STXBP3: variants seen among roughly 807,000 people sequenced by gnomAD.
The protein encoded by STXBP3 is syntaxin-binding protein 3.
A neutral mutation model predicts 85.7 loss-of-function variants in STXBP3; 41 were observed. That is an observed-to-expected ratio of 0.48 (90% CI 0.37 to 0.62). STXBP3 has a LOEUF of 0.62. STXBP3 is among the 20% of genes least tolerant of loss of function. The pLI is 0.00. For missense variants in STXBP3, 563 were observed against 703.1 expected (o/e 0.80, Z 2.25); for synonymous variants, 229 against 231.7 (o/e 0.99, Z 0.10).
chr1:108,772,857 T>G, intron 7 of STXBP3, 38 bp downstream of exon 7: 2 of 1,472,784 alleles, frequency 1.4e-6, no homozygotes, highest in Non-Finnish European at 1.8e-6. Context: ...ATGCTTCCTA[T>G]TTACCATTCA....
At chr1:108,766,414 C>CT (rs1242474466) in intron 6 of STXBP3, among the ~76,000 whole-genome samples, 1 of 152,110 alleles carries the variant, frequency 6.6e-6, no homozygotes, top group Non-Finnish European at 1.5e-5. Context: ...TGATAAGTCT[C>CT]TATGTTTTAG....
intron 6 of STXBP3, among the ~76,000 whole-genome samples, chr1:108,769,599 G>A (rs958329671): frequency 1.3e-5 from 2 of 152,106 alleles, no homozygotes; most frequent in African/African-American, 4.8e-5. Flanking sequence ...CTGATTATAG[G>A]TTTATAAAGA....
intron 11 of STXBP3, among the ~76,000 whole-genome samples, chr1:108,786,315 C>T (rs1225311290): frequency 6.6e-6 from 1 of 152,140 alleles, no homozygotes; most frequent in African/African-American, 2.4e-5. Context: ...CACTCACTAT[C>T]ACAAGAACAG....
At chr1:108,804,269 G>A (rs1279860702) in intron 17 of STXBP3, among the ~76,000 whole-genome samples, 1 of 151,636 alleles carries the variant, frequency 6.6e-6, no homozygotes, top group Non-Finnish European at 1.5e-5. Context: ...AGTTCTTTAG[G>A]TCTCTCTTAC....
intron 1 of STXBP3, among the ~76,000 whole-genome samples, chr1:108,748,350 ATC>A (rs1182763434): frequency 6.6e-6 from 1 of 152,138 alleles, no homozygotes; most frequent in Non-Finnish European, 1.5e-5. Flanking sequence ...GTGAGACCCC[ATC>A]TCTACAAAAA....
At chr1:108,776,568 T>G in intron 8 of STXBP3, 145 bp downstream of exon 8, 1 of 532,962 alleles carries the variant, frequency 1.9e-6, no homozygotes, top group Non-Finnish European at 3.2e-6. Context: ...ATCATTAACA[T>G]ACACAATCGT....
intron 2 of STXBP3, 106 bp downstream of exon 2, chr1:108,752,412 G>C (rs886322536): frequency 2.0e-6 from 2 of 1,010,976 alleles, no homozygotes; most frequent in Non-Finnish European, 2.9e-6. Context: ...TCTAGTATAA[G>C]TAATCTAAAG....
chr1:108,781,695 A>G (rs934882472), intron 9 of STXBP3, among the ~76,000 whole-genome samples: 1 of 152,118 alleles, frequency 6.6e-6, no homozygotes, highest in African/African-American at 2.4e-5. Flanking sequence ...AATAGGTTAT[A>G]TTGGGGAGGA....
rs149630615 is a variant in STXBP3, at chr1:108,769,715, G to C, written c.439-2950G>C. 4.2e-3 allele frequency among the ~76,000 whole-genome samples: 644 copies of C among 152,296 alleles called. 1 individual carries two copies. Among genetic ancestry groups the C allele is most frequent in the Admixed American group, 8.5e-3 (130 of 15,292 alleles). ...AATGGAGGAAATGTGAGTATAGAAT[G>C]AGAACCAGCACCCAGATTATCTTTG... On this transcript the variant is annotated intron_variant, in intron 6 of 18. Coordinates refer to ENST00000370008, the MANE Select transcript of STXBP3 (RefSeq NM_007269.4).
intron 15 of STXBP3, 53 bp downstream of exon 15, chr1:108,796,779 G>T: frequency 7.3e-7 from 1 of 1,365,854 alleles, no homozygotes; most frequent in Non-Finnish European, 9.9e-7. Flanking sequence ...ATGTATGGTT[G>T]TATGTATTAA....
At chr1:108,805,714 C>T (rs918416908) in intron 17 of STXBP3, among the ~76,000 whole-genome samples, 1 of 152,176 alleles carries the variant, frequency 6.6e-6, no homozygotes, top group Admixed American at 6.5e-5. Context: ...TGAGCCACCA[C>T]GCCCAGCCAA....
At chr1:108,773,672 A>G (rs1393707014) in intron 7 of STXBP3, among the ~76,000 whole-genome samples, 2 of 152,016 alleles carry the variant, frequency 1.3e-5, no homozygotes, top group African/African-American at 2.4e-5. Flanking sequence ...CACACTACAC[A>G]CACATCCACA....
At chr1:108,767,401 GA>G in intron 6 of STXBP3, 1 of 213,352 alleles carries the variant, frequency 4.7e-6, no homozygotes, top group Non-Finnish European at 9.5e-6. Flanking sequence ...TTGTAATGGT[GA>G]AAACATTCCT....
At position 108,756,757 on chromosome 1, in the gene STXBP3, G is replaced by C; in HGVS notation, c.249G>C (p.Pro83=). Reference sequence around the variant, plus strand: ...TGAAAGCTCTTTATTTCATCACTCCGACATCAAAGGTGAGTATTTTGAGAC... The same window carrying C: ...TGAAAGCTCTTTATTTCATCACTCCCACATCAAAGGTGAGTATTTTGAGAC... ...RQMKALYFIT[P]TSKSVDCFLH... Residue 83 remains proline, a synonymous_variant, in exon 4 of 19, where the codon CCG becomes CCC. Coordinates refer to ENST00000370008, the MANE Select transcript of STXBP3 (RefSeq NM_007269.4). 1 of 1,587,232 alleles carries C rather than the reference G, an allele frequency of 6.3e-7. No individual in the cohort carries two copies. Among genetic ancestry groups the C allele is most frequent in the Non-Finnish European group, 8.6e-7 (1 of 1,165,270 alleles).
At chr1:108,780,734 GT>G (rs1662699425) in intron 9 of STXBP3, 1 of 145,912 alleles carries the variant, frequency 6.9e-6, no homozygotes, top group African/African-American at 2.5e-5. Context: ...CCAGATTCAA[GT>G]TTTCATGTTG....
At chr1:108,747,153 G>C (rs1253007651) in intron 1 of STXBP3, among the ~76,000 whole-genome samples, 2 of 24,438 alleles carry the variant, frequency 8.2e-5, no homozygotes, top group African/African-American at 2.7e-4. Flanking sequence ...CGCTCCACCA[G>C]TTGGGGATGT....
chr1:108,764,248 G>T (rs192492105), intron 6 of STXBP3, among the ~76,000 whole-genome samples: 1 of 151,924 alleles, frequency 6.6e-6, no homozygotes, highest in Non-Finnish European at 1.5e-5. Flanking sequence ...GTATTCTATG[G>T]TACATATATA....
At chr1:108,789,456 C>T (rs1379769204) in intron 11 of STXBP3, among the ~76,000 whole-genome samples, 4 of 152,112 alleles carry the variant, frequency 2.6e-5, no homozygotes, top group Non-Finnish European at 5.9e-5. Context: ...CTTCTAGCTT[C>T]CTGAGTTGGA....
intron 6 of STXBP3, chr1:108,766,962 C>A: frequency 1.9e-6 from 1 of 528,448 alleles, no homozygotes; most frequent in Non-Finnish European, 3.8e-6. Flanking sequence ...TTTATTGATC[C>A]ATACTGTTGC....
Sources: allele counts gnomAD v4.1 joint callset (sites outside exome capture counted in the v4.1 genomes callset), GRCh38; gene constraint gnomAD v4.1.1; transcripts MANE v1.5; gene names NCBI Gene and HGNC (gene_info 2026-07-23, HGNC 2026-07-21).